The following INTS14 variants were observed in gnomAD, a reference collection of about 807,000 sequenced individuals.
INTS14 encodes the protein UPF0464 protein C15orf44.
A neutral mutation model predicts 56.9 loss-of-function variants in INTS14; 27 were observed. The observed-to-expected ratio is 0.47, with a 90% CI of 0.35 to 0.65. INTS14 has a LOEUF of 0.65. Ranked by LOEUF, INTS14 falls within the 30% of genes least tolerant of loss-of-function variation. The pLI is 0.00. For synonymous variants in INTS14, 207 were observed against 236.2 expected (o/e 0.88, Z 1.13); for missense variants, 517 against 632.2 (o/e 0.82, Z 1.95).
At chr15:65,593,285 G>T in intron 8 of INTS14, 143 bp downstream of exon 8, 1 of 986,354 alleles carries the variant, frequency 1.0e-6, no homozygotes, top group Non-Finnish European at 1.5e-6. Flanking sequence ...AAGGACTGTA[G>T]TAGCAGGTGG....
chr15:65,600,664 AAAC>A (rs1490075818), intron 3 of INTS14, among the ~76,000 whole-genome samples: 4 of 152,012 alleles, frequency 2.6e-5, no homozygotes, highest in South Asian at 2.1e-4. Flanking sequence ...CAAAAAAAAA[AAAC>A]AACAAAAAAA....
intron 9 of INTS14, chr15:65,586,886 G>C (rs965840157): frequency 6.6e-6 from 1 of 152,154 alleles, no homozygotes; most frequent in Admixed American, 6.5e-5. Context: ...TTGCCAGATG[G>C]AAAGGGTCCA....
In INTS14 at chr15:65,579,577, TC is replaced by T. The variant is rs1170735639; in HGVS notation, c.1387del (p.Glu463AsnfsTer17). The T allele has an allele frequency of 6.2e-7, 1 of 1,614,104 alleles. No homozygotes were observed. Among genetic ancestry groups the T allele is most frequent in the Non-Finnish European group, 8.5e-7 (1 of 1,180,024 alleles). On this transcript the variant is annotated frameshift_variant, in exon 12 of 12. Transcript: ENST00000313182. LOFTEE classifies it high-confidence loss of function. ...GGCTGTCTCAGGCAGCAGTGTGCAT[TC>T]CCTTTCCAGCATGTCAGCCACCCCT... ...LKGVADMLERECTLLPETAHP... is the reference protein window; with the variant it reads ...LKGVADMLERXCTLLPETAHP...
Position 65,607,155 on chromosome 15 carries a change from G to A in INTS14, c.222+4C>T, listed in dbSNP as rs775073442. ...TACATACAATAACTTACTACATTTT[G>A]TACCTGTAGGGTATTATAATCTCTC... On this transcript the variant is annotated splice_donor_region_variant and intron_variant, in intron 2 of 11. Transcript: ENST00000313182. 2 of 1,613,304 alleles carry A rather than the reference G, an allele frequency of 1.2e-6. No homozygotes were observed. The highest frequency in any genetic ancestry group is 1.7e-6 in the Non-Finnish European group (2 of 1,179,350).
At chr15:65,601,152 C>T (rs777286445) in intron 3 of INTS14, among the ~76,000 whole-genome samples, 38 of 152,316 alleles carry the variant, frequency 2.5e-4, no homozygotes, top group Non-Finnish European at 4.3e-4. Flanking sequence ...ATCTTTAAAA[C>T]GCATTCTTAA....
Position 65,599,013 on chromosome 15 carries a change from C to G in INTS14, c.487-23G>C. ...GAGCTATAAAGCAAAACAGATGACC[C>G]TTAAAGTGGCTGGCACAAAATGCCA... On this transcript the variant is annotated intron_variant, in intron 4 of 11. Coordinates refer to ENST00000313182, the MANE Select transcript of INTS14 (RefSeq NM_001394796.1). 4 of 1,575,680 alleles carry G rather than the reference C, an allele frequency of 2.5e-6. No individual in the cohort carries two copies. In the South Asian group the frequency reaches 4.6e-5, roughly 18 times the overall value.
At chr15:65,597,182 G>A (rs563124456) in intron 6 of INTS14, among the ~76,000 whole-genome samples, 1 of 152,310 alleles carries the variant, frequency 6.6e-6, no homozygotes, top group South Asian at 2.1e-4. Context: ...TGGATGCCTT[G>A]CTTCCAGAAG....
chr15:65,591,226 C>T (rs112344535), intron 9 of INTS14, among the ~76,000 whole-genome samples: 5 of 151,648 alleles, frequency 3.3e-5, no homozygotes, highest in African/African-American at 1.2e-4. Flanking sequence ...GTACCAGAAG[C>T]AATGTCAGGA....
chr15:65,591,386 CA>C (rs1220884891), intron 9 of INTS14, among the ~76,000 whole-genome samples: 6 of 152,078 alleles, frequency 3.9e-5, no homozygotes, highest in Non-Finnish European at 8.8e-5. Context: ...TTACTTAAAG[CA>C]ATCTAAATGT....
At chr15:65,589,774 A>C (rs1206829803) in intron 9 of INTS14, among the ~76,000 whole-genome samples, 2 of 152,070 alleles carry the variant, frequency 1.3e-5, no homozygotes, top group African/African-American at 4.8e-5. Context: ...CAAAAACTCA[A>C]AATTTGTGAA....
At chr15:65,594,355 A>G (rs915921142) in intron 7 of INTS14, among the ~76,000 whole-genome samples, 2 of 151,966 alleles carry the variant, frequency 1.3e-5, no homozygotes, top group African/African-American at 4.8e-5. Flanking sequence ...CAGCCCTTAC[A>G]AAATGGCCCT....
At chr15:65,603,212 T>C (rs1444605546) in intron 3 of INTS14, among the ~76,000 whole-genome samples, 1 of 152,254 alleles carries the variant, frequency 6.6e-6, no homozygotes, top group East Asian at 1.9e-4. Flanking sequence ...ATTGATTTCT[T>C]CAGCAAGTAT....
In INTS14 at chr15:65,591,664, G is replaced by A; in HGVS notation, c.1054C>T (p.Leu352Phe). 3 of 1,614,198 alleles carry A rather than the reference G, an allele frequency of 1.9e-6. No homozygotes were observed. Among genetic ancestry groups the A allele is most frequent in the Non-Finnish European group, 1.7e-6 (2 of 1,180,022 alleles). Residue 352 changes from leucine to phenylalanine, a missense_variant, in exon 9 of 12, where the codon CTC becomes TTC. Transcript: ENST00000313182. ...AGAGGTTCTGGGCCAGGCTCAAAGA[G>A]AGACATCATGAGGTTTGATTTCTTC... ...SKKKSNLMMS[L>F]FEPGPEPLPW...
chr15:65,610,678 T>C (rs1026101280), intron 1 of INTS14: 2 of 1,535,544 alleles, frequency 1.3e-6, no homozygotes, highest in Admixed American at 2.0e-5. Flanking sequence ...GAATTTCTAG[T>C]GCCTCACCTG....
rs144545259 is a variant in INTS14, at chr15:65,604,491, G to C, written c.330+638C>G. Among the ~76,000 whole-genome samples the C allele has an allele frequency of 2.0e-3, 309 of 152,248 alleles. 1 individual carries two copies. Among genetic ancestry groups the C allele is most frequent in the African/African-American group, 7.1e-3 (293 of 41,534 alleles). ...CACCCCTGTAATCCCAACACTTTGGGAGACGAGGTGGGCGGATCGCCTGAG... is the reference window on the plus strand; with the variant it reads ...CACCCCTGTAATCCCAACACTTTGGCAGACGAGGTGGGCGGATCGCCTGAG... On this transcript the variant is annotated intron_variant, in intron 3 of 11. Transcript: ENST00000313182.
At chr15:65,584,193 C>T (rs2072734023) in intron 10 of INTS14, among the ~76,000 whole-genome samples, 1 of 152,104 alleles carries the variant, frequency 6.6e-6, no homozygotes, top group Non-Finnish European at 1.5e-5. Flanking sequence ...CTGAAAGCAT[C>T]ATTCCTTGAT....
intron 1 of INTS14, among the ~76,000 whole-genome samples, chr15:65,608,923 T>C: frequency 6.6e-6 from 1 of 152,220 alleles, no homozygotes. Flanking sequence ...AGACGGAGTC[T>C]TGCGACATCT....
In INTS14 at chr15:65,592,472, G is replaced by A. The variant is rs541415519; in HGVS notation, c.987-741C>T. On this transcript the variant is annotated intron_variant, in intron 8 of 11. Transcript: ENST00000313182. ...TTCAGAAAATGTAAAAGCTAACGGG[G>A]TTTCCTCACAGGGAAGGAACACAGC... is the stretch of plus-strand genomic sequence containing the variant. Among the ~76,000 whole-genome samples the A allele has an allele frequency of 3.3e-5, 5 of 152,272 alleles. No individual in the cohort carries two copies. The South Asian group carries it at 8.3e-4, about 25-fold the overall frequency.
At chr15:65,584,195 T>C (rs185084571) in intron 10 of INTS14, among the ~76,000 whole-genome samples, 1 of 152,306 alleles carries the variant, frequency 6.6e-6, no homozygotes, top group East Asian at 1.9e-4. Flanking sequence ...GAAAGCATCA[T>C]TCCTTGATAA....
Sources: gnomAD v4.1 joint callset for allele counts (sites outside exome capture counted in the v4.1 genomes callset) on GRCh38, gnomAD v4.1.1 for gene constraint, MANE v1.5 for transcripts, NCBI Gene and HGNC (gene_info 2026-07-23, HGNC 2026-07-21) for gene names.